Variants in NEK5 observed in about 807,000 individuals in gnomAD.
The protein encoded by NEK5 is serine/threonine-protein kinase Nek5.
NEK5 carries 88 observed loss-of-function variants against 109.2 expected under a neutral mutation model. The ratio of observed to expected loss-of-function variants is 0.81; its 90% CI spans 0.68 to 0.96. The LOEUF (loss-of-function observed/expected upper bound fraction) is 0.96. NEK5 is among the 40% of genes least tolerant of loss of function. The pLI is 0.00. For missense variants in NEK5, 834 were observed against 920.7 expected, an observed-to-expected ratio of 0.91 and a Z score of 1.22; for synonymous variants, 283 against 299.9, an observed-to-expected ratio of 0.94 and a Z score of 0.58.
In NEK5 at chr13:52,035,810, C is replaced by T. The variant is rs1025929044; in HGVS notation, c.*1138G>A. ...TTTAGTGCATAATTAACACACCATG[C>T]CTTGTTGTTCTTGCTCAATTGCCTT... On this transcript the variant is annotated 3_prime_UTR_variant, in exon 24 of 24. Transcript: ENST00000684899. The T allele has an allele frequency of 6.6e-6, 1 of 152,088 alleles. No individual in the cohort carries two copies. Among genetic ancestry groups the T allele is most frequent in the African/African-American group, 2.4e-5 (1 of 41,410 alleles). The allele number at this position is 152,088 out of a possible 1,614,324, so 9.4% of individuals were successfully genotyped here.
chr13:52,106,846 A>T (rs1326149614), intron 8 of NEK5, among the ~76,000 whole-genome samples: 1 of 152,050 alleles, frequency 6.6e-6, no homozygotes, highest in Non-Finnish European at 1.5e-5. Flanking sequence ...AAGCTGGAAG[A>T]CACCTTGAAG....
intron 8 of NEK5, among the ~76,000 whole-genome samples, chr13:52,105,912 G>A (rs1955643257): frequency 6.6e-6 from 1 of 151,590 alleles, no homozygotes; most frequent in Admixed American, 6.6e-5. Flanking sequence ...TGTTGTCCAG[G>A]TTGGTCTTGA....
intron 5 of NEK5, among the ~76,000 whole-genome samples, chr13:52,111,869 A>G (rs1955765234): frequency 6.6e-6 from 1 of 152,224 alleles, no homozygotes; most frequent in Admixed American, 6.5e-5. Context: ...CCTCCCTAGC[A>G]AAGTGGGATA....
chr13:52,118,830 C>A (rs970579517), intron 4 of NEK5, among the ~76,000 whole-genome samples: 6 of 152,138 alleles, frequency 3.9e-5, no homozygotes, highest in African/African-American at 1.2e-4. Context: ...CACACACACA[C>A]AAACACACAC....
chr13:52,122,192 C>T (rs1955984670), intron 3 of NEK5, among the ~76,000 whole-genome samples: 1 of 152,190 alleles, frequency 6.6e-6, no homozygotes, highest in African/African-American at 2.4e-5. Flanking sequence ...TACTGTGCAT[C>T]CTGGAGCTAA....
At chr13:52,086,861 G>C (rs959221098) in intron 15 of NEK5, among the ~76,000 whole-genome samples, 1 of 152,206 alleles carries the variant, frequency 6.6e-6, no homozygotes, top group Non-Finnish European at 1.5e-5. Context: ...GATGAAGGCA[G>C]AGAATGGAGT....
chr13:52,057,476 C>A (rs1326778013), intron 22 of NEK5, among the ~76,000 whole-genome samples: 1,248 of 133,522 alleles, frequency 9.3e-3, no homozygotes, highest in African/African-American at 0.025. Context: ...GATACCAAAG[C>A]CTGGCAGAGA....
intron 23 of NEK5, among the ~76,000 whole-genome samples, chr13:52,047,743 C>G (rs1954471640): frequency 6.6e-6 from 1 of 152,084 alleles, no homozygotes; most frequent in African/African-American, 2.4e-5. Context: ...ATTCTGGAGC[C>G]TGAGGCAAGA....
At chr13:52,075,980 A>C in intron 18 of NEK5, 83 bp downstream of exon 18, 1 of 980,840 alleles carries the variant, frequency 1.0e-6, no homozygotes, top group East Asian at 2.4e-5. Context: ...ACTAGGGGGA[A>C]AATCATGCAG....
rs760128288 is a variant in NEK5, at chr13:52,034,695, CTT to C, written c.*2251_*2252del. 2.9e-5 allele frequency: 3 copies of C among 102,328 alleles called. No individual in the cohort carries two copies. Among genetic ancestry groups the C allele is most frequent in the Non-Finnish European group, 3.8e-5 (2 of 52,258 alleles). The allele number at this position is 102,328 out of a possible 1,614,324, so 6.3% of individuals were successfully genotyped here. A position where few individuals can be genotyped will look rare whatever the true frequency, so the allele number is the denominator to read the frequency against. On this transcript the variant is annotated 3_prime_UTR_variant, in exon 24 of 24. Coordinates refer to ENST00000684899, the MANE Select transcript of NEK5 (RefSeq NM_001365552.1). Reference sequence around the variant, plus strand: ...GTGCACACCAACACACCAGCTAATTCTTTTTTTTTTTTTTTTTTTTCTGAGGG... The same window carrying C: ...GTGCACACCAACACACCAGCTAATTCTTTTTTTTTTTTTTTTTTCTGAGGG...
intron 15 of NEK5, among the ~76,000 whole-genome samples, chr13:52,087,081 G>A (rs1022269263): frequency 2.0e-5 from 3 of 152,170 alleles, no homozygotes; most frequent in African/African-American, 7.2e-5. Flanking sequence ...CAGCAGCCCA[G>A]GAAACTAATA....
intron 4 of NEK5, among the ~76,000 whole-genome samples, chr13:52,115,711 G>A (rs1955844777): frequency 6.7e-6 from 1 of 149,404 alleles, no homozygotes; most frequent in Non-Finnish European, 1.5e-5. Context: ...TATATTTATT[G>A]GAAGTGTCTG....
In NEK5 at chr13:52,110,537, T is replaced by C; in HGVS notation, c.353A>G (p.His118Arg). The C allele has an allele frequency of 6.2e-7, 1 of 1,612,958 alleles. No individual in the cohort carries two copies. Among genetic ancestry groups the C allele is most frequent in the Non-Finnish European group, 8.5e-7 (1 of 1,179,170 alleles). The change falls in exon 6 of 24, where the codon CAT becomes CGT. Residue 118 changes from histidine (H) to arginine (R), a missense_variant. Transcript: ENST00000684899. ...GTGTAATATCTTCCTGTCATGAATA[T>C]GTTTTAGTCCTAGAGAAATCTGTAC... is the stretch of plus-strand genomic sequence containing the variant. ...WFVQISLGLK[H>R]IHDRKILHRD...
chr13:52,110,581 T>G lies in NEK5; in HGVS notation c.313-4A>C, dbSNP rs777338044. ...TCTGTACAAACCAACCGAGGATCTA[T>G]AGAGAGAACACAAAACAAAGCCACT... On this transcript the variant is annotated splice_polypyrimidine_tract_variant and splice_region_variant and intron_variant, in intron 5 of 23. Transcript: ENST00000684899. The G allele has an allele frequency of 1.2e-5, 19 of 1,597,336 alleles. No homozygotes were observed. Among genetic ancestry groups the G allele is most frequent in the Non-Finnish European group, 1.6e-5 (19 of 1,166,800 alleles).
chr13:52,084,762 A>AGAGTGTGTGTGT (rs1228944662), intron 16 of NEK5, among the ~76,000 whole-genome samples: 50 of 47,436 alleles, frequency 1.1e-3, no homozygotes, highest in African/African-American at 3.2e-3. Context: ...AGAGAGAGAG[A>AGAGTGTGTGTGT]GTGTGTGTGT....
intron 9 of NEK5, 36 bp from the exon 10 acceptor site, chr13:52,102,328 A>G: frequency 6.8e-7 from 1 of 1,470,148 alleles, no homozygotes; most frequent in African/African-American, 1.4e-5. Context: ...TAAATCAGAG[A>G]AAAGTTACTA....
chr13:52,050,323 C>T (rs1954493000), intron 22 of NEK5, 102 bp from the exon 23 acceptor site: 1 of 188,058 alleles, frequency 5.3e-6, no homozygotes, highest in Non-Finnish European at 9.9e-6. Flanking sequence ...TAATGGTAAA[C>T]CTTTTAGCCA....
intron 3 of NEK5, among the ~76,000 whole-genome samples, chr13:52,125,166 G>T (rs146745199): frequency 2.0e-4 from 31 of 152,268 alleles, no homozygotes; most frequent in African/African-American, 6.7e-4. Context: ...TGGTCTCAAT[G>T]ATCGTCATCC....
At chr13:52,058,065 C>T (rs1435465791) in intron 22 of NEK5, among the ~76,000 whole-genome samples, 12 of 151,734 alleles carry the variant, frequency 7.9e-5, no homozygotes, top group African/African-American at 2.7e-4. Flanking sequence ...ATTGTCTCAG[C>T]CCAAAATCTC....
Sources: allele counts gnomAD v4.1 joint callset (sites outside exome capture counted in the v4.1 genomes callset), GRCh38; gene constraint gnomAD v4.1.1; transcripts MANE v1.5; gene names NCBI Gene and HGNC (gene_info 2026-07-23, HGNC 2026-07-21).